The following KIF6 variants were observed in gnomAD, a reference collection of about 807,000 sequenced individuals.
KIF6 encodes kinesin-like protein KIF6.
A neutral mutation model predicts 112.7 loss-of-function variants in KIF6; 106 were observed. That is an observed-to-expected ratio of 0.94 (90% CI 0.80 to 1.11). The LOEUF is 1.11. Ranked by LOEUF, KIF6 falls within the 50% of genes least tolerant of loss-of-function variation. The probability of loss-of-function intolerance (pLI) is 0.00; values close to 1 mark genes in which losing one functional copy is unlikely to be tolerated. For synonymous variants in KIF6, 339 were observed against 339.9 expected, an observed-to-expected ratio of 1.00 and a Z score of 0.03; for missense variants, 929 against 964.0, an observed-to-expected ratio of 0.96 and a Z score of 0.48.
chr6:39,539,213 A>T (rs530272353), intron 13 of KIF6, among the ~76,000 whole-genome samples: 65 of 152,098 alleles, frequency 4.3e-4, no homozygotes, highest in African/African-American at 1.5e-3. Context: ...AACTTAAAGT[A>T]TAATAATAAT....
At chr6:39,473,547 T>C (rs543469710) in intron 13 of KIF6, among the ~76,000 whole-genome samples, 1 of 152,338 alleles carries the variant, frequency 6.6e-6, no homozygotes, top group Non-Finnish European at 1.5e-5. Context: ...TAATATTTAA[T>C]ACTGCTCTGT....
chr6:39,409,992 C>A (rs1476613492), intron 15 of KIF6, among the ~76,000 whole-genome samples: 2 of 152,250 alleles, frequency 1.3e-5, no homozygotes, highest in Non-Finnish European at 2.9e-5. Flanking sequence ...CAACAAATTA[C>A]CAACTATCTG....
intron 10 of KIF6, among the ~76,000 whole-genome samples, chr6:39,568,289 T>C (rs1780430766): frequency 6.6e-6 from 1 of 152,178 alleles, no homozygotes; most frequent in Non-Finnish European, 1.5e-5. Context: ...AAGGTCTTTC[T>C]GATCTGAGAC....
intron 10 of KIF6, among the ~76,000 whole-genome samples, chr6:39,571,678 A>G (rs1780648309): frequency 6.6e-6 from 1 of 152,250 alleles, no homozygotes; most frequent in Admixed American, 6.5e-5. Context: ...CCATTAAGGA[A>G]GATACCAGCT....
chr6:39,638,453 T>C (rs1479012960), intron 4 of KIF6, among the ~76,000 whole-genome samples: 1 of 152,068 alleles, frequency 6.6e-6, no homozygotes, highest in Non-Finnish European at 1.5e-5. Context: ...ACAGGCAATG[T>C]CAGAAATAAG....
At chr6:39,446,143 G>A (rs1772297548) in intron 13 of KIF6, among the ~76,000 whole-genome samples, 1 of 152,194 alleles carries the variant, frequency 6.6e-6, no homozygotes, top group African/African-American at 2.4e-5. Context: ...TCGACTACTA[G>A]CTGTGTGCCC....
chr6:39,581,161 C>CTTTTTTTTTTTTTTTTTTTTTTTT (rs60321520), intron 9 of KIF6, among the ~76,000 whole-genome samples: 1 of 78,706 alleles, frequency 1.3e-5, no homozygotes, highest in African/African-American at 4.5e-5. Flanking sequence ...GCTTTACTTT[C>CTTTTTTTTTTTTTTTTTTTTTTTT]TTTTTTTTTT....
intron 13 of KIF6, among the ~76,000 whole-genome samples, chr6:39,448,869 C>T (rs2150405173): frequency 6.6e-6 from 1 of 152,318 alleles, no homozygotes; most frequent in Non-Finnish European, 1.5e-5. Context: ...TAACATACCC[C>T]AAACAGAACT....
chr6:39,375,044 A>G (rs1305689159), intron 16 of KIF6, among the ~76,000 whole-genome samples: 1 of 152,260 alleles, frequency 6.6e-6, no homozygotes, highest in Non-Finnish European at 1.5e-5. Flanking sequence ...AACGAGAAGG[A>G]AATTCTGTCA....
intron 10 of KIF6, among the ~76,000 whole-genome samples, chr6:39,553,213 T>C (rs1779489001): frequency 6.6e-6 from 1 of 152,206 alleles, no homozygotes; most frequent in Non-Finnish European, 1.5e-5. Flanking sequence ...TCAGCAACTC[T>C]GTTGGAATGA....
intron 10 of KIF6, among the ~76,000 whole-genome samples, chr6:39,564,693 G>T (rs555046856): frequency 6.6e-6 from 1 of 152,304 alleles, no homozygotes; most frequent in East Asian, 1.9e-4. Context: ...GTGTGCTTTT[G>T]CTGTAAGTTG....
At chr6:39,699,963 T>C (rs1363451677) in intron 3 of KIF6, among the ~76,000 whole-genome samples, 3 of 152,214 alleles carry the variant, frequency 2.0e-5, no homozygotes, top group Admixed American at 6.5e-5. Flanking sequence ...TTTTGATACA[T>C]TCCAGCTCAC....
chr6:39,502,659 G>A (rs1368481046), intron 13 of KIF6, among the ~76,000 whole-genome samples: 2 of 152,084 alleles, frequency 1.3e-5, no homozygotes, highest in Non-Finnish European at 2.9e-5. Flanking sequence ...AATTTACCAA[G>A]CAAATGGAAA....
chr6:39,512,556 A>G (rs1234656623), intron 13 of KIF6, among the ~76,000 whole-genome samples: 4 of 152,148 alleles, frequency 2.6e-5, no homozygotes, highest in East Asian at 1.9e-4. Context: ...CCCAGCAGTG[A>G]GCCTAGGCTT....
intron 13 of KIF6, among the ~76,000 whole-genome samples, chr6:39,444,971 C>A (rs1581872000): frequency 6.6e-6 from 1 of 152,148 alleles, no homozygotes; most frequent in Non-Finnish European, 1.5e-5. Context: ...CTGGGAGGAG[C>A]CGCATCACCT....
chr6:39,456,003 T>G, intron 13 of KIF6, among the ~76,000 whole-genome samples: 1 of 81,352 alleles, frequency 1.2e-5, no homozygotes, highest in Non-Finnish European at 2.5e-5. Context: ...ACGTTCAGAT[T>G]CAGGAAATAC....
At chr6:39,526,127 C>G (rs892383346) in intron 13 of KIF6, among the ~76,000 whole-genome samples, 2 of 152,208 alleles carry the variant, frequency 1.3e-5, no homozygotes, top group African/African-American at 2.4e-5. Context: ...CATTTCCCTG[C>G]TGTCACTGGC....
intron 13 of KIF6, among the ~76,000 whole-genome samples, chr6:39,502,689 GC>G (rs1225526621): frequency 3.9e-5 from 6 of 152,160 alleles, no homozygotes; most frequent in Non-Finnish European, 7.3e-5. Context: ...AAGCAGGGTT[GC>G]AATCATTGTT....
chr6:39,390,474 AGTC>A (rs1243977440), intron 15 of KIF6, among the ~76,000 whole-genome samples: 4 of 152,190 alleles, frequency 2.6e-5, no homozygotes, highest in Non-Finnish European at 5.9e-5. Context: ...AGGGCACCTC[AGTC>A]TGAGAGAACT....
Sources: gnomAD v4.1 joint callset for allele counts (sites outside exome capture counted in the v4.1 genomes callset) on GRCh38, gnomAD v4.1.1 for gene constraint, MANE v1.5 for transcripts, NCBI Gene and HGNC (gene_info 2026-07-23, HGNC 2026-07-21) for gene names.